Variants in CNGA3 observed in about 807,000 individuals in gnomAD.
CNGA3 encodes the protein cyclic nucleotide-gated channel alpha-3.
A neutral mutation model predicts 46.6 loss-of-function variants in CNGA3; 42 were observed. That is an observed-to-expected ratio of 0.90 (90% CI 0.70 to 1.17). The LOEUF (loss-of-function observed/expected upper bound fraction) is 1.17, where lower values mean the gene tolerates loss of function less well. Ranked by LOEUF, CNGA3 falls within the 50% of genes most tolerant of loss-of-function variation. The pLI is 0.00. For synonymous variants in CNGA3, 394 were observed against 369.4 expected, an observed-to-expected ratio of 1.07 and a Z score of -0.76; for missense variants, 893 against 890.7, an observed-to-expected ratio of 1.00 and a Z score of -0.03.
chr2:98,373,209 A>G (rs1336804038), intron 2 of CNGA3, among the ~76,000 whole-genome samples: 1 of 152,126 alleles, frequency 6.6e-6, no homozygotes, highest in African/African-American at 2.4e-5. Context: ...TGAGGTCTCT[A>G]TGTGAGACTG....
intron 2 of CNGA3, among the ~76,000 whole-genome samples, chr2:98,375,572 C>G (rs1299514249): frequency 6.6e-6 from 1 of 152,196 alleles, no homozygotes; most frequent in Non-Finnish European, 1.5e-5. Flanking sequence ...GCAGCAGGGT[C>G]TCTGACAGGG....
At chr2:98,379,713 G>C (rs989887528) in intron 3 of CNGA3, among the ~76,000 whole-genome samples, 6 of 152,230 alleles carry the variant, frequency 3.9e-5, no homozygotes, top group African/African-American at 1.4e-4. Flanking sequence ...TGCTGTATCA[G>C]ATCTCAAGAA....
At chr2:98,349,292 A>T (rs2106066458) in intron 1 of CNGA3, among the ~76,000 whole-genome samples, 2 of 152,190 alleles carry the variant, frequency 1.3e-5, no homozygotes, top group Middle Eastern at 6.8e-3. Flanking sequence ...TGTACAATAC[A>T]CATAAGGGAA....
At chr2:98,371,887 C>T (rs888329166) in intron 2 of CNGA3, among the ~76,000 whole-genome samples, 2 of 152,216 alleles carry the variant, frequency 1.3e-5, no homozygotes, top group South Asian at 2.1e-4. Flanking sequence ...CATAACATCA[C>T]GATCCTGGGA....
At chr2:98,354,318 A>T (rs1335375569) in intron 1 of CNGA3, among the ~76,000 whole-genome samples, 1 of 152,148 alleles carries the variant, frequency 6.6e-6, no homozygotes, top group Non-Finnish European at 1.5e-5. Context: ...GTAGTAAGTC[A>T]TTGTGCTTTT....
chr2:98,367,841 C>T (rs1348894938), intron 1 of CNGA3, among the ~76,000 whole-genome samples: 1 of 152,156 alleles, frequency 6.6e-6, no homozygotes, highest in African/African-American at 2.4e-5. Flanking sequence ...CTGCTCACCT[C>T]ACAGGGAACT....
At chr2:98,393,370 A>G (rs1692836496) in intron 7 of CNGA3, among the ~76,000 whole-genome samples, 1 of 152,248 alleles carries the variant, frequency 6.6e-6, no homozygotes, top group Admixed American at 6.5e-5. Flanking sequence ...CCACTGCATG[A>G]GACAAGAAGC....
rs1343686402 is a variant in CNGA3 at position 98,377,670 on chromosome 2, C to T, written c.102-17C>T. The T allele has an allele frequency of 5.0e-6, 8 of 1,605,808 alleles. No homozygotes were observed. Among genetic ancestry groups the T allele is most frequent in the Middle Eastern group, 1.9e-4 (1 of 5,398 alleles). ...GGCTTGAAATCAATTCTGCTTGCTG[C>T]ATATCTGATTTCCTAGAGCCCACTC... On this transcript the variant is annotated splice_polypyrimidine_tract_variant and intron_variant, in intron 2 of 7. Transcript: ENST00000272602.
chr2:98,373,130 C>T (rs567871152), intron 2 of CNGA3, among the ~76,000 whole-genome samples: 2 of 152,288 alleles, frequency 1.3e-5, no homozygotes, highest in South Asian at 4.1e-4. Context: ...ACAGCAGCCT[C>T]AGGGATGGAG....
rs756012830 is a variant in CNGA3 at position 98,377,773 on chromosome 2, G to C, written c.188G>C (p.Gly63Ala). 6.2e-7 allele frequency: 1 copy of C among 1,612,042 alleles called. No homozygotes were observed. The highest frequency in any genetic ancestry group is 1.3e-5 in the African/African-American group (1 of 74,876). ...AGAGGACTGGCTGACTCCGGGCAGG[G>C]CTCCTTCACCGGCCAGGGGATCGCC... ...ETRGLADSGQGSFTGQGIARL... is the reference protein window; with the variant it reads ...ETRGLADSGQASFTGQGIARL... Residue 63 changes from glycine (G) to alanine (A), a missense_variant, in exon 3 of 8, where the codon GGC becomes GCC. Physicochemically the swap from Gly to Ala is moderately conservative, Grantham distance 60. Transcript: ENST00000272602.
chr2:98,378,195 C>T (rs1053345497), intron 3 of CNGA3: 2 of 1,550,280 alleles, frequency 1.3e-6, no homozygotes, highest in Admixed American at 3.9e-5. Context: ...GCAGGGTCTC[C>T]CGGGTGCTCG....
intron 4 of CNGA3, among the ~76,000 whole-genome samples, chr2:98,380,693 T>C (rs1195320088): frequency 6.6e-6 from 1 of 152,122 alleles, no homozygotes; most frequent in Non-Finnish European, 1.5e-5. Flanking sequence ...CTATCTCTCT[T>C]CACCAAGGAC....
At position 98,396,599 on chromosome 2, in the gene CNGA3, C is replaced by G. The variant is rs1247542945; in HGVS notation, c.1429C>G (p.Leu477Val). 3 of 1,614,050 alleles carry G rather than the reference C, an allele frequency of 1.9e-6. No homozygotes were observed. The Admixed American group carries it at 5.0e-5, about 27-fold the overall frequency. The stretch of plus-strand genomic sequence containing the variant: ...CGCCATCAACGTGCACCTGGACACG[C>G]TGAAGAAGGTTCGCATCTTCCAGGA... ...EIAINVHLDTLKKVRIFQDCE... is the reference protein window; with the variant it reads ...EIAINVHLDTVKKVRIFQDCE... The change falls in exon 8 of 8, where the codon CTG becomes GTG. Residue 477 changes from leucine (L) to valine (V), a missense_variant. This residue lies in a region of CNGA3 where 548 missense variants were observed against 570.8 expected (regional missense o/e 0.96). Transcript: ENST00000272602.
intron 4 of CNGA3, among the ~76,000 whole-genome samples, chr2:98,380,943 G>A (rs997351288): frequency 2.6e-5 from 4 of 151,588 alleles, no homozygotes; most frequent in Non-Finnish European, 5.9e-5. Context: ...GAGGTGGGGA[G>A]AGTGCTTGCT....
chr2:98,393,076 G>A (rs897779910), intron 7 of CNGA3, among the ~76,000 whole-genome samples: 11 of 152,218 alleles, frequency 7.2e-5, no homozygotes, highest in Middle Eastern at 3.4e-3. Context: ...GACTAGCCAG[G>A]GCAACATAGC....
chr2:98,353,615 C>G (rs1457272470), intron 1 of CNGA3, among the ~76,000 whole-genome samples: 1 of 152,122 alleles, frequency 6.6e-6, no homozygotes, highest in Non-Finnish European at 1.5e-5. Flanking sequence ...TAGGTTAGTA[C>G]AAAAGTAATT....
chr2:98,385,046 T>A (rs1306799539), intron 5 of CNGA3, among the ~76,000 whole-genome samples: 2 of 152,214 alleles, frequency 1.3e-5, no homozygotes, highest in Non-Finnish European at 2.9e-5. Context: ...ACCAGCAGCA[T>A]TTTGCAGTTC....
Position 98,397,428 on chromosome 2 carries a change from T to C in CNGA3, c.*173T>C, listed in dbSNP as rs2104251943. 2.9e-6 allele frequency: 2 copies of C among 696,374 alleles called. No individual in the cohort carries two copies. Among genetic ancestry groups the C allele is most frequent in the Admixed American group, 4.8e-5 (2 of 41,632 alleles). 43.1% of individuals were successfully genotyped at this position (696,374 alleles called of 1,614,324 possible). ...TCTTCACCTAAAAAATGGGACTTTT[T>C]GTCTCAGTCCCAGTGAAGTGCCAGG... On this transcript the variant is annotated 3_prime_UTR_variant, in exon 8 of 8. Coordinates refer to ENST00000272602, the MANE Select transcript of CNGA3 (RefSeq NM_001298.3).
At chr2:98,387,435 G>A (rs1250422102) in intron 5 of CNGA3, among the ~76,000 whole-genome samples, 1 of 152,220 alleles carries the variant, frequency 6.6e-6, no homozygotes, top group African/African-American at 2.4e-5. Flanking sequence ...GACTCGAGGG[G>A]TTGTCCCTTC....
Sources: gnomAD v4.1 joint callset for allele counts (sites outside exome capture counted in the v4.1 genomes callset) on GRCh38, gnomAD v4.1.1 for gene constraint, gnomAD v4.1.1 regional missense constraint, MANE v1.5 for transcripts, NCBI Gene and HGNC (gene_info 2026-07-23, HGNC 2026-07-21) for gene names.